The following MZT2B variants were observed in gnomAD, a reference collection of about 807,000 sequenced individuals.
MZT2B encodes the protein mitotic spindle organizing protein 2B.
Under a neutral mutation model 12.1 loss-of-function variants are expected in MZT2B, and 11 were observed. The ratio of observed to expected loss-of-function variants is 0.91; its 90% CI spans 0.57 to 1.50. The LOEUF (loss-of-function observed/expected upper bound fraction) is 1.50. Among genes scored for constraint, MZT2B ranks in the 40% most tolerant of loss-of-function variants. MZT2B has a pLI of 0.00. For missense variants in MZT2B, 209 were observed against 227.7 expected (o/e 0.92, Z 0.53); for synonymous variants, 85 against 109.5 (o/e 0.78, Z 1.40).
chr2:130,187,219 C>T (rs1228092368), intron 2 of MZT2B, among the ~76,000 whole-genome samples: 1 of 152,028 alleles, frequency 6.6e-6, no homozygotes, highest in Non-Finnish European at 1.5e-5. Flanking sequence ...TTGAGACAGT[C>T]TTGTTCTGTC....
chr2:130,196,398 C>G, the MZT2B span: 1 of 1,601,120 alleles, frequency 6.2e-7, no homozygotes, highest in Non-Finnish European at 8.5e-7. Context: ...AAATGTGAAC[C>G]CATTCATTTC....
chr2:130,183,154 T>C lies in MZT2B; in HGVS notation c.319+379T>C. The C allele has an allele frequency of 1.1e-4, 42 of 370,190 alleles. No individual in the cohort carries two copies. The South Asian group carries it at 1.3e-3, about 11-fold the overall frequency. The allele number at this position is 370,190 out of a possible 1,614,324, so 22.9% of individuals were successfully genotyped here. A position where few individuals can be genotyped will look rare whatever the true frequency, so the allele number is the denominator to read the frequency against. On this transcript the variant is annotated intron_variant, in intron 2 of 2. Coordinates refer to ENST00000281871, the MANE Select transcript of MZT2B (RefSeq NM_025029.5). Reference sequence around the variant, plus strand: ...AGGGCGGGAGGATCGTTTGAGGCCATGAGTTTTAGACCACTCTGGGTGACA... The same window carrying C: ...AGGGCGGGAGGATCGTTTGAGGCCACGAGTTTTAGACCACTCTGGGTGACA...
intron 2 of MZT2B, chr2:130,184,270 C>T (rs1573760217): frequency 2.5e-5 from 25 of 985,300 alleles, no homozygotes; most frequent in East Asian, 2.3e-4. Context: ...GGCCAGAGTG[C>T]GGTGTGCTGT....
chr2:130,199,901 G>A, the MZT2B span, among the ~76,000 whole-genome samples: 1 of 151,812 alleles, frequency 6.6e-6, no homozygotes, highest in Admixed American at 6.6e-5. Context: ...TTCGAGACCA[G>A]CCTGGCCAAC....
upstream of MZT2B, chr2:130,181,696 G>C (rs1445793012): frequency 6.5e-7 from 1 of 1,549,346 alleles, no homozygotes; most frequent in African/African-American, 1.4e-5. Flanking sequence ...GCAAAGCGAA[G>C]GCCGGCCGGG....
At chr2:130,188,849 G>C (rs2104737583) in intron 2 of MZT2B, among the ~76,000 whole-genome samples, 1 of 150,684 alleles carries the variant, frequency 6.6e-6, no homozygotes, top group South Asian at 2.1e-4. Flanking sequence ...GCTTGTTCAG[G>C]GTGACAGATG....
chr2:130,193,779 G>A (rs1690329209), downstream of MZT2B: 1 of 1,597,576 alleles, frequency 6.3e-7, no homozygotes, highest in African/African-American at 1.3e-5. Context: ...ATGTCACCCA[G>A]TCATACCTTA....
upstream of MZT2B, chr2:130,181,705 G>C (rs539280409): frequency 3.3e-5 from 51 of 1,548,500 alleles, 1 homozygote; most frequent in South Asian, 5.3e-4. Context: ...AGGCCGGCCG[G>C]GCGGGGAAGA....
chr2:130,198,069 C>T, the MZT2B span, among the ~76,000 whole-genome samples: 1 of 123,406 alleles, frequency 8.1e-6, no homozygotes, highest in African/African-American at 2.9e-5. Flanking sequence ...GAGCAGCGCC[C>T]TCCTGTCTTC....
At position 130,187,656 on chromosome 2, in the gene MZT2B, C is replaced by G. The variant is rs369533757; in HGVS notation, c.320-2813C>G. 5.9e-5 allele frequency among the ~76,000 whole-genome samples: 9 copies of G among 152,296 alleles called. No individual in the cohort carries two copies. The South Asian group carries it at 1.9e-3, about 32-fold the overall frequency. On this transcript the variant is annotated intron_variant, in intron 2 of 2. Coordinates refer to ENST00000281871, the MANE Select transcript of MZT2B (RefSeq NM_025029.5). ...AGCCCGTCTGACTCAGTAGCCCCTC[C>G]CGAGGGAGCAGGGCTAAGCAAAGCT...
At chr2:130,202,522 ACCT>A in the MZT2B span, 2 of 1,210,228 alleles carry the variant, frequency 1.7e-6, no homozygotes, top group Middle Eastern at 2.3e-4. Context: ...ATGTTTACAG[ACCT>A]CCTTGGGACT....
the MZT2B span, among the ~76,000 whole-genome samples, chr2:130,196,908 G>A: frequency 1.3e-5 from 2 of 152,076 alleles, no homozygotes; most frequent in Non-Finnish European, 2.9e-5. Context: ...GGCCTTCCTC[G>A]CCCTCTGGCT....
the MZT2B span, among the ~76,000 whole-genome samples, chr2:130,203,818 G>A: frequency 4.6e-5 from 7 of 151,872 alleles, no homozygotes; most frequent in African/African-American, 1.7e-4. Context: ...TAACTAGATT[G>A]AGTGCCCAAA....
chr2:130,194,823 G>A (rs561334080), downstream of MZT2B, among the ~76,000 whole-genome samples: 1 of 152,268 alleles, frequency 6.6e-6, no homozygotes, highest in African/African-American at 2.4e-5. Flanking sequence ...CAGTACAGGT[G>A]TGTGCCACCA....
chr2:130,200,988 G>A, the MZT2B span, among the ~76,000 whole-genome samples: 2 of 152,224 alleles, frequency 1.3e-5, no homozygotes, highest in Non-Finnish European at 2.9e-5. Flanking sequence ...TCACCAGGAT[G>A]CAGCATCCCA....
At position 130,182,465 on chromosome 2, in the gene MZT2B, G is replaced by A. The variant is rs1689759337; in HGVS notation, c.170+13G>A. ...CCGACGTGTTCAAGTGAGCGGGGCG[G>A]GTGGGGGCCGCATGCTAGCCAGACA... is the stretch of plus-strand genomic sequence containing the variant. On this transcript the variant is annotated intron_variant, in intron 1 of 2. Coordinates refer to ENST00000281871, the MANE Select transcript of MZT2B (RefSeq NM_025029.5). 2.6e-6 allele frequency: 4 copies of A among 1,546,054 alleles called. No individual in the cohort carries two copies. Among genetic ancestry groups the A allele is most frequent in the East Asian group, 4.9e-5 (2 of 41,192 alleles).
chr2:130,187,002 A>C (rs1234053972), intron 2 of MZT2B, among the ~76,000 whole-genome samples: 1 of 136,578 alleles, frequency 7.3e-6, no homozygotes, highest in African/African-American at 2.8e-5. Context: ...TCATCACTTG[A>C]AGCTCGGAGT....
At chr2:130,192,377 G>A (rs1377416832), downstream of MZT2B, among the ~76,000 whole-genome samples, 1 of 152,108 alleles carries the variant, frequency 6.6e-6, no homozygotes, top group Non-Finnish European at 1.5e-5. Context: ...CCTAGTACCT[G>A]TGACATGTGA....
chr2:130,184,389 G>A (rs1353059539), intron 2 of MZT2B: 1 of 985,332 alleles, frequency 1.0e-6, no homozygotes, highest in Non-Finnish European at 1.2e-6. Context: ...CCTTCCCAGA[G>A]TCTCCTGGGC....
Sources: gnomAD v4.1 joint callset for allele counts (sites outside exome capture counted in the v4.1 genomes callset) on GRCh38, gnomAD v4.1.1 for gene constraint, MANE v1.5 for transcripts, NCBI Gene and HGNC (gene_info 2026-07-23, HGNC 2026-07-21) for gene names.